The following CD99L2 variants were observed in gnomAD, a reference collection of about 807,000 sequenced individuals.
CD99L2 encodes CD99 molecule like 2.
Under a neutral mutation model 27.3 loss-of-function variants are expected in CD99L2, and 24 were observed. The observed-to-expected ratio is 0.88, with a 90% CI of 0.64 to 1.24. CD99L2 has a LOEUF of 1.24. Ranked by LOEUF, CD99L2 falls within the 50% of genes most tolerant of loss-of-function variation. CD99L2 has a pLI of 0.00. For synonymous variants in CD99L2, 97 were observed against 87.9 expected, an observed-to-expected ratio of 1.10 and a Z score of -0.58; for missense variants, 255 against 221.6, an observed-to-expected ratio of 1.15 and a Z score of -0.96.
chrX:150,815,810 T>C, intron 3 of CD99L2, among the ~76,000 whole-genome samples, 197 bp downstream of exon 3: 1 of 112,268 alleles, frequency 8.9e-6, no homozygotes, highest in Admixed American at 9.4e-5. Context: ...GGCAGGACTT[T>C]TCATAAAACA....
chrX:150,812,448 T>C (rs782780077), intron 4 of CD99L2, among the ~76,000 whole-genome samples: 2 of 111,848 alleles, frequency 1.8e-5, no homozygotes, highest in South Asian at 7.4e-4. Context: ...AACAAATACA[T>C]GAAAAGGTGT....
At chrX:150,882,522 C>T (rs1184487011) in intron 1 of CD99L2, among the ~76,000 whole-genome samples, 1 of 109,813 alleles carries the variant, frequency 9.1e-6, no homozygotes. Context: ...GTCAGGAGTT[C>T]GAGACCAGCC....
intron 2 of CD99L2, among the ~76,000 whole-genome samples, chrX:150,817,218 T>G (rs6627329): frequency 9.4e-6 from 1 of 106,877 alleles, no homozygotes; most frequent in East Asian, 2.9e-4. Context: ...TAAAAATAAA[T>G]AAATAAATAA....
intron 4 of CD99L2, among the ~76,000 whole-genome samples, chrX:150,812,117 T>C (rs1475168048): frequency 1.8e-5 from 2 of 111,601 alleles, no homozygotes; most frequent in Admixed American, 9.5e-5. Flanking sequence ...ACCACGATCA[T>C]GCCACTGCAC....
chrX:150,828,052 A>G (rs782050009), intron 2 of CD99L2, among the ~76,000 whole-genome samples: 1 of 111,929 alleles, frequency 8.9e-6, no homozygotes, highest in South Asian at 3.8e-4. Flanking sequence ...GCTACAATTG[A>G]TAAGTTCTCC....
chrX:150,824,286 A>AAAG (rs1459310134), intron 2 of CD99L2, among the ~76,000 whole-genome samples: 1 of 57,140 alleles, frequency 1.8e-5, no homozygotes, highest in Non-Finnish European at 3.2e-5. Flanking sequence ...GGAGGAGGAG[A>AAAG]AAGGAAGAAG....
rs1193444396 is a variant in CD99L2 at position 150,868,678 on chromosome X, C to A, written c.67+29844G>T. ...CCCTAGCCTTCCCAGCCTCTAGTATCCTCGAATCCACTTTTTACTTCTATG... is the reference window on the plus strand; with the variant it reads ...CCCTAGCCTTCCCAGCCTCTAGTATACTCGAATCCACTTTTTACTTCTATG... On this transcript the variant is annotated intron_variant, in intron 1 of 10. Coordinates refer to ENST00000370377, the MANE Select transcript of CD99L2 (RefSeq NM_031462.4). Among the ~76,000 whole-genome samples, 3 of 112,281 alleles carry A rather than the reference C, an allele frequency of 2.7e-5. No individual in the cohort carries two copies. The Admixed American group carries it at 2.8e-4, about 11-fold the overall frequency.
intron 1 of CD99L2, among the ~76,000 whole-genome samples, chrX:150,854,824 C>T (rs2046846001): frequency 9.0e-6 from 1 of 111,007 alleles, no homozygotes; most frequent in South Asian, 3.9e-4. Context: ...CTGCAGAGGC[C>T]CCCGATTATG....
At chrX:150,885,439 C>T (rs919631902) in intron 1 of CD99L2, among the ~76,000 whole-genome samples, 2 of 111,889 alleles carry the variant, frequency 1.8e-5, no homozygotes, top group Non-Finnish European at 3.8e-5. Context: ...TTTTCTATAT[C>T]TGTTATATTT....
intron 6 of CD99L2, among the ~76,000 whole-genome samples, chrX:150,794,438 G>C (rs1038621563): frequency 5.4e-5 from 6 of 112,080 alleles, no homozygotes; most frequent in African/African-American, 9.7e-5. Context: ...GATAATAAAT[G>C]GGTGTTGCCT....
intron 1 of CD99L2, among the ~76,000 whole-genome samples, chrX:150,838,443 CTG>C (rs1557421271): frequency 9.0e-6 from 1 of 111,491 alleles, no homozygotes; most frequent in Non-Finnish European, 1.9e-5. Context: ...ATAGGGAAAA[CTG>C]GATATGAAGC....
chrX:150,814,944 G>A lies in CD99L2; in HGVS notation c.203-8C>T. ...CCAAGTCCAATCCACTACCTTCAGT[G>A]GGCCCCAAAACATAAAGGAAACAGC... On this transcript the variant is annotated splice_region_variant and splice_polypyrimidine_tract_variant and intron_variant, in intron 3 of 10. Coordinates refer to ENST00000370377, the MANE Select transcript of CD99L2 (RefSeq NM_031462.4). 8.3e-7 allele frequency: 1 copy of A among 1,210,310 alleles called. No individual in the cohort carries two copies. Among genetic ancestry groups the A allele is most frequent in the Admixed American group, 2.2e-5 (1 of 45,890 alleles).
intron 1 of CD99L2, among the ~76,000 whole-genome samples, chrX:150,853,706 C>G (rs1409143324): frequency 1.8e-5 from 2 of 111,727 alleles, no homozygotes; most frequent in African/African-American, 6.5e-5. Flanking sequence ...CAACGAAACT[C>G]CCTTGGGAAG....
chrX:150,808,597 TG>T (rs1392225446), intron 4 of CD99L2, among the ~76,000 whole-genome samples: 3 of 112,354 alleles, frequency 2.7e-5, no homozygotes, highest in Admixed American at 9.4e-5. Context: ...CTCATGAGCA[TG>T]GGAGGGACCC....
chrX:150,804,234 A>T (rs2124151439), intron 4 of CD99L2, among the ~76,000 whole-genome samples: 1 of 112,524 alleles, frequency 8.9e-6, no homozygotes, highest in South Asian at 3.7e-4. Context: ...AATGGTACAA[A>T]ACTAGAAGTT....
chrX:150,798,463 G>A (rs1029137917), intron 4 of CD99L2, among the ~76,000 whole-genome samples: 39 of 110,903 alleles, frequency 3.5e-4, no homozygotes, highest in African/African-American at 1.2e-3. Context: ...AAATGGTGCT[G>A]GGAAAATTGG....
At position 150,769,010 on chromosome X, in the gene CD99L2, C is replaced by T. The variant is rs782566159; in HGVS notation, c.*24G>A. 4.4e-6 allele frequency: 5 copies of T among 1,139,039 alleles called. No homozygotes were observed. In the South Asian group the frequency reaches 6.4e-5, roughly 15 times the overall value. The allele number at this position is 1,139,039 out of a possible 1,213,427, so 93.9% of individuals were successfully genotyped here. On this transcript the variant is annotated 3_prime_UTR_variant, in exon 11 of 11. Transcript: ENST00000370377. ...GGTGACAAGCGGTGGCACCATTGTG[C>T]ATGCCTGCAGCTGGACAGGGCCCTC...
rs139219415 is a variant in CD99L2, at chrX:150,776,252, C to T, written c.577G>A (p.Ala193Thr). The T allele has an allele frequency of 5.7e-5, 69 of 1,209,167 alleles. No individual in the cohort carries two copies. Among genetic ancestry groups the T allele is most frequent in the Non-Finnish European group, 7.0e-5 (63 of 894,627 alleles). ...GCACCGATGAGGGCCATGGCCAGGG[C>T]GCTGGCCACCCCGGCAATGGTGCCA... The part of the protein sequence containing the change: ...EPGTIAGVAS[A>T]LAMALIGAVS... The change falls in exon 9 of 11, where the codon GCC becomes ACC. Residue 193 changes from alanine (A) to threonine (T), a missense_variant. Ala to Thr is a moderately conservative substitution (Grantham distance 58, BLOSUM62 0). Coordinates refer to ENST00000370377, the MANE Select transcript of CD99L2 (RefSeq NM_031462.4).
chrX:150,830,662 G>A (rs2046429329), intron 2 of CD99L2, among the ~76,000 whole-genome samples: 1 of 111,467 alleles, frequency 9.0e-6, no homozygotes, highest in Admixed American at 9.5e-5. Flanking sequence ...GCCCTTGGAG[G>A]CCACTGCTGA....
Sources: allele counts gnomAD v4.1 joint callset (sites outside exome capture counted in the v4.1 genomes callset), GRCh38; gene constraint gnomAD v4.1.1; transcripts MANE v1.5; gene names NCBI Gene and HGNC (gene_info 2026-07-23, HGNC 2026-07-21).